Variants in KIF23 observed in about 807,000 individuals in gnomAD.
KIF23 encodes the protein kinesin-like protein KIF23.
In KIF23, 30 loss-of-function variants were observed where a neutral mutation model predicts 137.5. That is an observed-to-expected ratio of 0.22 (90% confidence interval 0.16 to 0.30). The LOEUF is 0.30. Among genes scored for constraint, KIF23 ranks in the 10% least tolerant of loss-of-function variants. KIF23 has a pLI of 1.00. For missense variants in KIF23, 920 were observed against 1,194.3 expected (o/e 0.77, Z 3.38); for synonymous variants, 367 against 391.1 (o/e 0.94, Z 0.73).
chr15:69,433,542 C>T (rs965309424), intron 11 of KIF23, among the ~76,000 whole-genome samples: 24 of 152,226 alleles, frequency 1.6e-4, no homozygotes, highest in African/African-American at 5.5e-4. Context: ...GCAAGAGCTT[C>T]AGACTCTTGC....
intron 7 of KIF23, among the ~76,000 whole-genome samples, chr15:69,424,103 G>A (rs552061966): frequency 6.6e-6 from 1 of 152,244 alleles, no homozygotes; most frequent in East Asian, 1.9e-4. Context: ...GAAACAGCTG[G>A]ATTTAGAAAA....
At chr15:69,419,670 G>C (rs576980288) in intron 3 of KIF23, among the ~76,000 whole-genome samples, 1 of 152,056 alleles carries the variant, frequency 6.6e-6, no homozygotes, top group Non-Finnish European at 1.5e-5. Context: ...TTGTTTACTT[G>C]TTTATTGTCT....
intron 7 of KIF23, among the ~76,000 whole-genome samples, chr15:69,424,122 C>A (rs2057129063): frequency 6.6e-6 from 1 of 152,168 alleles, no homozygotes; most frequent in Admixed American, 6.5e-5. Context: ...AATCATTAGA[C>A]TGAGAATACA....
At chr15:69,423,079 G>A in intron 6 of KIF23, 80 bp from the exon 7 acceptor site, 1 of 949,004 alleles carries the variant, frequency 1.1e-6, no homozygotes, top group Non-Finnish European at 1.6e-6. Flanking sequence ...GATTATAGCT[G>A]TGAGCCACCA....
rs1262072902 is a variant in KIF23, at chr15:69,445,014, T to C, written c.2646T>C (p.Asp882=). 1 of 1,613,482 alleles carries C rather than the reference T, an allele frequency of 6.2e-7. No homozygotes were observed. The highest frequency in any genetic ancestry group is 1.3e-5 in the African/African-American group (1 of 75,016). Residue 882 remains aspartate (D), a synonymous_variant, in exon 20 of 24, where the codon GAT becomes GAC. Transcript: ENST00000679126. The part of the protein sequence containing the change: ...YMLTHQELAS[D]GEIETKLIKG... ...TGACCCACCAGGAACTAGCCTCCGATGGGGAGATTGAAACTAAACTAATTA... is the reference window on the plus strand; with the variant it reads ...TGACCCACCAGGAACTAGCCTCCGACGGGGAGATTGAAACTAAACTAATTA...
Position 69,415,991 on chromosome 15 carries a change from C to A in KIF23, c.12-3C>A. On this transcript the variant is annotated splice_region_variant and splice_polypyrimidine_tract_variant and intron_variant, in intron 1 of 23. Coordinates refer to ENST00000679126, the MANE Select transcript of KIF23 (RefSeq NM_001367805.3). ...TTATTATTATTTTTTAATCTATGAC[C>A]AGGAGAGCTAAGACACCCCGGAAAC... is the stretch of plus-strand genomic sequence containing the variant. The A allele has an allele frequency of 6.4e-7, 1 of 1,568,798 alleles. No individual in the cohort carries two copies. Among genetic ancestry groups the A allele is most frequent in the Non-Finnish European group, 8.6e-7 (1 of 1,165,170 alleles).
rs558250700 is a variant in KIF23 at position 69,446,164 on chromosome 15, A to G, written c.2756+73A>G. ...GCTGCTCATTTTGGAGGAACAGAAT[A>G]GCCTGTGAAATGTATCATTAATTCT... On this transcript the variant is annotated intron_variant, in intron 21 of 23. Coordinates refer to ENST00000679126, the MANE Select transcript of KIF23 (RefSeq NM_001367805.3). 4.2e-5 allele frequency: 60 copies of G among 1,444,430 alleles called. No individual in the cohort carries two copies. In the African/African-American group the frequency reaches 7.3e-4, roughly 17 times the overall value. The allele number at this position is 1,444,430 out of a possible 1,614,324, so 89.5% of individuals were successfully genotyped here.
intron 11 of KIF23, among the ~76,000 whole-genome samples, chr15:69,431,282 A>G (rs1156408752): frequency 6.6e-6 from 1 of 152,138 alleles, no homozygotes; most frequent in African/African-American, 2.4e-5. Context: ...AAGGAGAGAG[A>G]TTTTGACTTG....
intron 5 of KIF23, 35 bp downstream of exon 5, chr15:69,422,163 C>G: frequency 6.2e-7 from 1 of 1,608,210 alleles, no homozygotes; most frequent in Non-Finnish European, 8.5e-7. Context: ...GACTATCTTA[C>G]TGGACTAAGA....
At chr15:69,429,561 C>T (rs368032866) in intron 11 of KIF23, among the ~76,000 whole-genome samples, 8 of 152,086 alleles carry the variant, frequency 5.3e-5, no homozygotes, top group Admixed American at 2.0e-4. Flanking sequence ...TCACCTTGGC[C>T]GCCCCAAAGT....
Position 69,414,455 on chromosome 15 carries a change from A to G in KIF23, c.-11A>G. On this transcript the variant is annotated 5_prime_UTR_variant, in exon 1 of 24. Coordinates refer to ENST00000679126, the MANE Select transcript of KIF23 (RefSeq NM_001367805.3). The stretch of plus-strand genomic sequence containing the variant: ...CCGCATGCGCGTTTGGGCGGCGTGG[A>G]GCCTGCTGCCATGAAGTCAGCGTGA... The G allele has an allele frequency of 1.3e-6, 2 of 1,588,828 alleles. No individual in the cohort carries two copies. The highest frequency in any genetic ancestry group is 8.6e-7 in the Non-Finnish European group (1 of 1,168,068).
chr15:69,422,956 A>T (rs544894235), intron 6 of KIF23: 5 of 409,596 alleles, frequency 1.2e-5, no homozygotes, highest in Non-Finnish European at 1.3e-5. Context: ...ACACGCCACC[A>T]TGCCCGGCTA....
chr15:69,414,770 G>C, intron 1 of KIF23: 1 of 356,708 alleles, frequency 2.8e-6, no homozygotes, highest in South Asian at 1.2e-4. Context: ...CCCGGTTCCC[G>C]GGGGCGGGGC....
Position 69,423,235 on chromosome 15 carries a change from A to G in KIF23, c.640A>G (p.Ser214Gly). 6.3e-7 allele frequency: 1 copy of G among 1,593,672 alleles called. No individual in the cohort carries two copies. Among genetic ancestry groups the G allele is most frequent in the Non-Finnish European group, 8.6e-7 (1 of 1,164,082 alleles). ...CAAAGCAGAAGAGGTTGATGAAGAT[A>G]GTGTCTATGGTGTATTTGTCTCTTA... ...FCKAEEVDED[S>G]VYGVFVSYIE... Residue 214 changes from serine to glycine, a missense_variant, in exon 7 of 24, where the codon AGT becomes GGT. Physicochemically the swap from Ser to Gly is moderately conservative, Grantham distance 56 (BLOSUM62 0). Coordinates refer to ENST00000679126, the MANE Select transcript of KIF23 (RefSeq NM_001367805.3).
chr15:69,427,614 G>C (rs2057233508), intron 10 of KIF23: 1 of 373,618 alleles, frequency 2.7e-6, no homozygotes, highest in East Asian at 7.2e-5. Context: ...CGATAGGCCA[G>C]TAGGGTCCCC....
Position 69,448,020 on chromosome 15 carries a change from G to T in KIF23, c.*213G>T. On this transcript the variant is annotated 3_prime_UTR_variant, in exon 24 of 24. Transcript: ENST00000679126. ...ACAAACCTTGTATAGTATATGTTTT[G>T]CCATATTTAATATTAATAGCAGAGG... 5.3e-6 allele frequency: 2 copies of T among 375,556 alleles called. No individual in the cohort carries two copies. Among genetic ancestry groups the T allele is most frequent in the Admixed American group, 4.5e-5 (1 of 22,144 alleles). The allele number at this position is 375,556 out of a possible 1,614,324, so 23.3% of individuals were successfully genotyped here.
intron 14 of KIF23, 41 bp from the exon 15 acceptor site, chr15:69,436,523 C>T: frequency 1.3e-6 from 2 of 1,534,488 alleles, no homozygotes; most frequent in Non-Finnish European, 8.9e-7. Context: ...AGCTCTTTCT[C>T]TCCTATGTAA....
intron 8 of KIF23, among the ~76,000 whole-genome samples, 181 bp downstream of exon 8, chr15:69,425,504 G>A (rs1316153069): frequency 6.6e-6 from 1 of 152,162 alleles, no homozygotes; most frequent in Non-Finnish European, 1.5e-5. Flanking sequence ...GCTGGTAAAT[G>A]TCTCTACCCT....
chr15:69,436,415 C>A, intron 14 of KIF23, 149 bp from the exon 15 acceptor site: 1 of 1,214,272 alleles, frequency 8.2e-7, no homozygotes, highest in Non-Finnish European at 1.1e-6. Context: ...GCTTATTTTG[C>A]ATACTATGAT....
Sources: gnomAD v4.1 joint callset for allele counts (sites outside exome capture counted in the v4.1 genomes callset) on GRCh38, gnomAD v4.1.1 for gene constraint, MANE v1.5 for transcripts, NCBI Gene and HGNC (gene_info 2026-07-23, HGNC 2026-07-21) for gene names.